SIPA1L2: variants seen among roughly 807,000 people sequenced by gnomAD.
SIPA1L2 encodes the protein signal-induced proliferation-associated 1-like protein 2.
Under a neutral mutation model 163.9 loss-of-function variants are expected in SIPA1L2, and 56 were observed. The observed-to-expected ratio is 0.34, with a 90% CI of 0.28 to 0.43. The LOEUF (loss-of-function observed/expected upper bound fraction) is 0.43, where lower values mean the gene tolerates loss of function less well. Ranked by LOEUF, SIPA1L2 falls within the 20% of genes least tolerant of loss-of-function variation. The probability of loss-of-function intolerance (pLI) is 1.00; values close to 1 mark genes in which losing one functional copy is unlikely to be tolerated. For synonymous variants in SIPA1L2, 877 were observed against 865.7 expected, an observed-to-expected ratio of 1.01 and a Z score of -0.23; for missense variants, 1,974 against 2,193.5, an observed-to-expected ratio of 0.90 and a Z score of 2.00.
intron 1 of SIPA1L2, among the ~76,000 whole-genome samples, chr1:232,601,850 C>T (rs1386648164): frequency 1.3e-5 from 2 of 152,150 alleles, no homozygotes; most frequent in African/African-American, 2.4e-5. Flanking sequence ...AGTCAATCTT[C>T]ATATTATTTT....
At chr1:232,555,770 G>T (rs1311948166) in intron 2 of SIPA1L2, among the ~76,000 whole-genome samples, 3 of 152,196 alleles carry the variant, frequency 2.0e-5, no homozygotes, top group Non-Finnish European at 4.4e-5. Context: ...AGGGGATAGA[G>T]AACTCTACAT....
intron 7 of SIPA1L2, among the ~76,000 whole-genome samples, chr1:232,476,375 C>G (rs993531884): frequency 6.6e-6 from 1 of 152,136 alleles, no homozygotes; most frequent in South Asian, 2.1e-4. Flanking sequence ...TAAAATGTTA[C>G]GCATACATTA....
At chr1:232,553,859 GATC>G (rs1337332599) in intron 2 of SIPA1L2, among the ~76,000 whole-genome samples, 1 of 152,114 alleles carries the variant, frequency 6.6e-6, no homozygotes, top group Non-Finnish European at 1.5e-5. Flanking sequence ...ATCTGTAAGT[GATC>G]AACAAAAACT....
In SIPA1L2 at chr1:232,457,441, A is replaced by C. The variant is rs181983662; in HGVS notation, c.3095+3446T>G. 2.6e-5 allele frequency among the ~76,000 whole-genome samples: 4 copies of C among 152,302 alleles called. No individual in the cohort carries two copies. The East Asian group carries it at 7.7e-4, about 29-fold the overall frequency. ...AGTCTTCATAGTGTTTATGTTAAAA[A>C]CTACTGTAAAAATGTATATGTATAT... On this transcript the variant is annotated intron_variant, in intron 10 of 22. Transcript: ENST00000674635.
chr1:232,415,814 ACGGG>A (rs1461508850), intron 18 of SIPA1L2, 189 bp from the exon 19 acceptor site: 2 of 520,384 alleles, frequency 3.8e-6, no homozygotes, highest in Admixed American at 4.0e-5. Flanking sequence ...CAGTCAGAAC[ACGGG>A]CACCACTGTC....
At chr1:232,571,722 G>C (rs1327191648) in intron 2 of SIPA1L2, among the ~76,000 whole-genome samples, 2 of 152,166 alleles carry the variant, frequency 1.3e-5, no homozygotes, top group Non-Finnish European at 2.9e-5. Flanking sequence ...CCTTCAGTTA[G>C]TTCACATGAA....
chr1:232,543,090 T>A (rs1201660910), intron 2 of SIPA1L2, among the ~76,000 whole-genome samples: 2 of 152,162 alleles, frequency 1.3e-5, no homozygotes, highest in East Asian at 3.8e-4. Context: ...CATTGTACAG[T>A]GTATCTAACA....
At position 232,608,424 on chromosome 1, in the gene SIPA1L2, G is replaced by T. The variant is rs535148218; in HGVS notation, c.-319+21445C>A. 1.5e-3 allele frequency among the ~76,000 whole-genome samples: 230 copies of T among 152,302 alleles called. 1 individual carries two copies. The highest frequency in any genetic ancestry group is 5.3e-3 in the African/African-American group (220 of 41,568). On this transcript the variant is annotated intron_variant, in intron 1 of 22. Coordinates refer to ENST00000674635, the MANE Select transcript of SIPA1L2 (RefSeq NM_020808.5). ...TCTCACAAGGGTTCAAATATCCAGTGAGGGACTGCTGCAGAGGAAAGACCA... is the reference window on the plus strand; with the variant it reads ...TCTCACAAGGGTTCAAATATCCAGTTAGGGACTGCTGCAGAGGAAAGACCA...
At chr1:232,563,955 T>TTTTTGTGTGTGTGTG (rs1558270699) in intron 2 of SIPA1L2, among the ~76,000 whole-genome samples, 1 of 116,700 alleles carries the variant, frequency 8.6e-6, no homozygotes, top group African/African-American at 4.0e-5. Context: ...TTTTTTTTTT[T>TTTTTGTGTGTGTGTG]CGTGTGTGTG....
intron 2 of SIPA1L2, among the ~76,000 whole-genome samples, chr1:232,520,413 T>G (rs999767455): frequency 6.6e-6 from 1 of 152,206 alleles, no homozygotes; most frequent in African/African-American, 2.4e-5. Context: ...CTAACTGTCT[T>G]GGTAATAATT....
In SIPA1L2 at chr1:232,610,290, C is replaced by T. The variant is rs1440037660; in HGVS notation, c.-319+19579G>A. Reference sequence around the variant, plus strand: ...CACTTGAGTTCCTTCAGTTCTCTGCCACAGAGAAGGGCTGTGCTAGGTGAT... The same window carrying T: ...CACTTGAGTTCCTTCAGTTCTCTGCTACAGAGAAGGGCTGTGCTAGGTGAT... On this transcript the variant is annotated intron_variant, in intron 1 of 22. Transcript: ENST00000674635. Among the ~76,000 whole-genome samples the T allele has an allele frequency of 1.3e-5, 2 of 152,030 alleles. 1 individual carries two copies. The highest frequency in any genetic ancestry group is 4.8e-5 in the African/African-American group (2 of 41,394).
chr1:232,459,386 CAG>C (rs1255375321), intron 10 of SIPA1L2, among the ~76,000 whole-genome samples: 1 of 152,056 alleles, frequency 6.6e-6, no homozygotes, highest in Non-Finnish European at 1.5e-5. Flanking sequence ...AGAAAGGAAA[CAG>C]AGAAAGGAGA....
intron 2 of SIPA1L2, among the ~76,000 whole-genome samples, chr1:232,542,866 G>A (rs556733627): frequency 6.6e-6 from 1 of 152,292 alleles, no homozygotes; most frequent in African/African-American, 2.4e-5. Flanking sequence ...ACTCCTCTCT[G>A]TGTGTCTGCA....
chr1:232,441,925 G>A (rs1222602228), intron 12 of SIPA1L2, 57 bp from the exon 13 acceptor site: 1 of 1,411,618 alleles, frequency 7.1e-7, no homozygotes, highest in South Asian at 1.2e-5. Flanking sequence ...CTGCCAGCAT[G>A]CACACGGGAG....
chr1:232,617,523 C>T (rs556305700), intron 1 of SIPA1L2, among the ~76,000 whole-genome samples: 1 of 152,104 alleles, frequency 6.6e-6, no homozygotes, highest in East Asian at 1.9e-4. Flanking sequence ...AAGTATACAA[C>T]AAAGTAAAAA....
At position 232,514,513 on chromosome 1, in the gene SIPA1L2, T is replaced by C. The variant is rs1667129686; in HGVS notation, c.827A>G (p.Lys276Arg). The stretch of plus-strand genomic sequence containing the variant: ...TGATTTCAACCTCCGTTTGAAAGGC[T>C]TGTCCCTGTCTCTCCCCATCAGGAG... Reference protein sequence around the residue: ...SALLMGRDRDKPFKRRLKSES... With the variant: ...SALLMGRDRDRPFKRRLKSES... Residue 276 changes from lysine to arginine, a missense_variant, in exon 3 of 23, where the codon AAG becomes AGG. Physicochemically the swap from Lys to Arg is conservative, Grantham distance 26. Around this residue, in one of 3 missense-constraint regions of SIPA1L2, gnomAD observed 607 missense variants for 624.0 expected, o/e 0.97. Coordinates refer to ENST00000674635, the MANE Select transcript of SIPA1L2 (RefSeq NM_020808.5). 6.2e-7 allele frequency: 1 copy of C among 1,614,218 alleles called. No individual in the cohort carries two copies. The highest frequency in any genetic ancestry group is 8.5e-7 in the Non-Finnish European group (1 of 1,180,026).
chr1:232,598,248 A>G (rs1196050526), intron 1 of SIPA1L2, among the ~76,000 whole-genome samples: 3 of 152,052 alleles, frequency 2.0e-5, no homozygotes, highest in African/African-American at 7.2e-5. Context: ...AAAAAAAAAA[A>G]AAAAAAATCA....
chr1:232,503,226 T>TA (rs1001757042), intron 3 of SIPA1L2, among the ~76,000 whole-genome samples: 10 of 151,912 alleles, frequency 6.6e-5, no homozygotes, highest in African/African-American at 9.7e-5. Flanking sequence ...CAGGGCAAGA[T>TA]AAAAAAAATC....
At chr1:232,421,950 C>A (rs1333451185) in intron 18 of SIPA1L2, among the ~76,000 whole-genome samples, 1 of 152,150 alleles carries the variant, frequency 6.6e-6, no homozygotes, top group Non-Finnish European at 1.5e-5. Flanking sequence ...CCATAAAAAA[C>A]CAAAAAATTA....
Sources: gnomAD v4.1 joint callset for allele counts (sites outside exome capture counted in the v4.1 genomes callset) on GRCh38, gnomAD v4.1.1 for gene constraint, gnomAD v4.1.1 regional missense constraint, MANE v1.5 for transcripts, NCBI Gene and HGNC (gene_info 2026-07-23, HGNC 2026-07-21) for gene names.